SIM1: variants seen among roughly 807,000 people sequenced by gnomAD.
SIM1 encodes SIM bHLH transcription factor 1.
In SIM1, 18 loss-of-function variants were observed where a neutral mutation model predicts 78.2. The observed-to-expected ratio is 0.23, with a 90% CI of 0.16 to 0.34. The LOEUF (loss-of-function observed/expected upper bound fraction) is 0.34, where lower values mean the gene tolerates loss of function less well. Among genes scored for constraint, SIM1 ranks in the 10% least tolerant of loss-of-function variants. The probability of loss-of-function intolerance (pLI) is 1.00; values close to 1 mark genes in which losing one functional copy is unlikely to be tolerated. For missense variants in SIM1, 939 were observed against 975.1 expected (o/e 0.96, Z 0.49); for synonymous variants, 417 against 385.2 (o/e 1.08, Z -0.97).
At position 100,463,398 on chromosome 6, in the gene SIM1, G is replaced by A; in HGVS notation, c.71C>T (p.Ala24Val). The A allele has an allele frequency of 6.2e-7, 1 of 1,614,006 alleles. No homozygotes were observed. The highest frequency in any genetic ancestry group is 8.5e-7 in the Non-Finnish European group (1 of 1,179,914). The change falls in exon 2 of 12, where the codon GCT becomes GTT. Residue 24 changes from alanine to valine, a missense_variant. By Grantham distance (64) the Ala-to-Val change is moderately conservative. Coordinates refer to ENST00000369208, the MANE Select transcript of SIM1 (RefSeq NM_005068.3). ...EKENSEFYEL[A>V]KLLPLPSAIT... ...AGCCGAGGGCAAAGGCAGTAATTTAGCCAGTTCATAAAATTCACTGTTTTC... is the reference window on the plus strand; with the variant it reads ...AGCCGAGGGCAAAGGCAGTAATTTAACCAGTTCATAAAATTCACTGTTTTC...
At position 100,390,429 on chromosome 6, in the gene SIM1, G is replaced by C; in HGVS notation, c.2233C>G (p.Leu745Val). The C allele has an allele frequency of 1.2e-6, 2 of 1,614,148 alleles. No individual in the cohort carries two copies. The highest frequency in any genetic ancestry group is 1.7e-6 in the Non-Finnish European group (2 of 1,180,020). ...NGSHFDVTSH[L>V]RMQPDPAQGH... ...TGTGCTGGGTCTGGTTGCATCCTCA[G>C]ATGGGAAGTTACATCAAAGTGTGAG... The change falls in exon 12 of 12, where the codon CTG becomes GTG. Residue 745 changes from leucine (L) to valine (V), a missense_variant. Leu to Val is a conservative substitution (Grantham distance 32). Coordinates refer to ENST00000369208, the MANE Select transcript of SIM1 (RefSeq NM_005068.3).
rs1246800946 is a variant in SIM1 at position 100,387,201 on chromosome 6, C to T, written c.*3160G>A. ...TTGGATAGAGCACATTTTTATGTAT[C>T]CCCAAGGTGATATGAAAATCATACT... On this transcript the variant is annotated 3_prime_UTR_variant, in exon 12 of 12. Coordinates refer to ENST00000369208, the MANE Select transcript of SIM1 (RefSeq NM_005068.3). 6.6e-6 allele frequency: 1 copy of T among 151,964 alleles called. No individual in the cohort carries two copies. Among genetic ancestry groups the T allele is most frequent in the Non-Finnish European group, 1.5e-5 (1 of 67,880 alleles). 9.4% of individuals were successfully genotyped at this position (151,964 alleles called of 1,614,324 possible). A position where few individuals can be genotyped will look rare whatever the true frequency, so the allele number is the denominator to read the frequency against.
intron 9 of SIM1, among the ~76,000 whole-genome samples, chr6:100,446,564 C>T (rs1772361075): frequency 6.6e-6 from 1 of 152,246 alleles, no homozygotes; most frequent in South Asian, 2.1e-4. Flanking sequence ...GCCACACTGG[C>T]AACCAGAAAC....
rs886968321 is a variant in SIM1, at chr6:100,387,179, G to A, written c.*3182C>T. 2 of 151,888 alleles carry A rather than the reference G, an allele frequency of 1.3e-5. No individual in the cohort carries two copies. The highest frequency in any genetic ancestry group is 2.9e-5 in the Non-Finnish European group (2 of 67,886). The allele number at this position is 151,888 out of a possible 1,614,324, so 9.4% of individuals were successfully genotyped here. The stretch of plus-strand genomic sequence containing the variant: ...TTGATACATATTATACCAGTAATTG[G>A]ATAGAGCACATTTTTATGTATCCCC... On this transcript the variant is annotated 3_prime_UTR_variant, in exon 12 of 12. Transcript: ENST00000369208.
intron 10 of SIM1, among the ~76,000 whole-genome samples, chr6:100,416,584 C>A (rs758565933): frequency 2.0e-5 from 3 of 151,988 alleles, no homozygotes; most frequent in Admixed American, 6.6e-5. Flanking sequence ...AGACTGCCAT[C>A]TTATTTTTGA....
intron 9 of SIM1, among the ~76,000 whole-genome samples, chr6:100,431,043 A>C (rs1216107477): frequency 6.6e-6 from 1 of 152,190 alleles, no homozygotes; most frequent in Non-Finnish European, 1.5e-5. Flanking sequence ...GCACGGTTGG[A>C]AGCTCTGCCC....
intron 9 of SIM1, among the ~76,000 whole-genome samples, chr6:100,446,455 A>G (rs1348304992): frequency 6.6e-6 from 1 of 152,282 alleles, no homozygotes; most frequent in Non-Finnish European, 1.5e-5. Context: ...AGAGTTCTTC[A>G]TAAAGGCTTC....
intron 10 of SIM1, among the ~76,000 whole-genome samples, chr6:100,397,889 A>G (rs1344237827): frequency 1.3e-5 from 2 of 152,140 alleles, no homozygotes; most frequent in Non-Finnish European, 2.9e-5. Context: ...GGATATACAG[A>G]TGGCAAATAA....
intron 10 of SIM1, among the ~76,000 whole-genome samples, chr6:100,401,798 TA>T (rs943628741): frequency 1.8e-4 from 28 of 152,244 alleles, no homozygotes; most frequent in Non-Finnish European, 3.2e-4. Context: ...AGCCCTTTTT[TA>T]AACAACATTT....
At chr6:100,424,092 A>T (rs116837367) in intron 9 of SIM1, among the ~76,000 whole-genome samples, 1,588 of 103,932 alleles carry the variant, frequency 0.015, 30 homozygotes, top group African/African-American at 0.055. Context: ...CAGGGTACGC[A>T]TCTCACTGTT....
chr6:100,386,658 C>T lies in SIM1; in HGVS notation c.*3703G>A, dbSNP rs1770520392. The T allele has an allele frequency of 6.6e-6, 1 of 151,996 alleles. No homozygotes were observed. The highest frequency in any genetic ancestry group is 2.4e-5 in the African/African-American group (1 of 41,412). The allele number at this position is 151,996 out of a possible 1,614,324, so 9.4% of individuals were successfully genotyped here. ...CTTATTTTAAGTGGGATTCTCTGCC[C>T]AGAGGCAGCATGTGACAACACGGTA... On this transcript the variant is annotated 3_prime_UTR_variant, in exon 12 of 12. Transcript: ENST00000369208.
chr6:100,403,156 G>A (rs1770969949), intron 10 of SIM1, among the ~76,000 whole-genome samples: 1 of 152,138 alleles, frequency 6.6e-6, no homozygotes, highest in Non-Finnish European at 1.5e-5. Context: ...TTCAAAACAA[G>A]CATTCATTTT....
intron 10 of SIM1, among the ~76,000 whole-genome samples, chr6:100,408,606 G>T (rs563955185): frequency 6.6e-6 from 1 of 152,072 alleles, no homozygotes; most frequent in African/African-American, 2.4e-5. Context: ...AATTTGTTGA[G>T]AGTTTTTATC....
intron 2 of SIM1, among the ~76,000 whole-genome samples, chr6:100,455,213 T>C (rs1772615511): frequency 6.6e-6 from 1 of 152,210 alleles, no homozygotes; most frequent in African/African-American, 2.4e-5. Flanking sequence ...TCTGGTTGTT[T>C]GCACATCTAA....
At chr6:100,397,590 AAAATCTTCAAGATCTAG>A (rs1378196087) in intron 10 of SIM1, among the ~76,000 whole-genome samples, 3 of 152,190 alleles carry the variant, frequency 2.0e-5, no homozygotes, top group African/African-American at 7.2e-5. Flanking sequence ...AACATAGAAG[AAAATCTTCAAGATCTAG>A]GACTAGGTAA....
At chr6:100,437,268 C>T (rs1042478085) in intron 9 of SIM1, 1 of 152,022 alleles carries the variant, frequency 6.6e-6, no homozygotes, top group Admixed American at 6.6e-5. Flanking sequence ...TTTGAAACAT[C>T]CAACTAAGAA....
chr6:100,414,052 A>G (rs1771334862), intron 10 of SIM1, among the ~76,000 whole-genome samples: 1 of 152,246 alleles, frequency 6.6e-6, no homozygotes, highest in African/African-American at 2.4e-5. Context: ...GAAAAACAGG[A>G]TAGTGACAAA....
rs138088373 is a variant in SIM1 at position 100,444,536 on chromosome 6, G to A, written c.998+2732C>T. ...CCTCGGAGACCCAGAAAAACTAAGG[G>A]AATTTTCGGAATTTACTCATAGTAT... On this transcript the variant is annotated intron_variant, in intron 9 of 11. Coordinates refer to ENST00000369208, the MANE Select transcript of SIM1 (RefSeq NM_005068.3). 2.6e-3 allele frequency among the ~76,000 whole-genome samples: 398 copies of A among 152,118 alleles called. 2 individuals carry two copies. The highest frequency in any genetic ancestry group is 8.7e-3 in the African/African-American group (360 of 41,522).
chr6:100,412,671 GAGAA>G (rs1161091580), intron 10 of SIM1, among the ~76,000 whole-genome samples: 1 of 96,426 alleles, frequency 1.0e-5, no homozygotes, highest in South Asian at 3.4e-4. Flanking sequence ...GAGAGAGAGA[GAGAA>G]AGAAAGAAAA....
Sources: gnomAD v4.1 joint callset for allele counts (sites outside exome capture counted in the v4.1 genomes callset) on GRCh38, gnomAD v4.1.1 for gene constraint, MANE v1.5 for transcripts, NCBI Gene and HGNC (gene_info 2026-07-23, HGNC 2026-07-21) for gene names.